CSMD1: variants seen among roughly 807,000 people sequenced by gnomAD.
The protein encoded by CSMD1 is CUB and sushi domain-containing protein 1.
In CSMD1, 213 loss-of-function variants were observed where a neutral mutation model predicts 417.5. The ratio of observed to expected loss-of-function variants is 0.51; its 90% CI spans 0.46 to 0.57. The LOEUF (loss-of-function observed/expected upper bound fraction) is 0.57. Ranked by LOEUF, CSMD1 falls within the 20% of genes least tolerant of loss-of-function variation. The pLI is 0.00. For synonymous variants in CSMD1, 2,862 were observed against 1,736.8 expected, an observed-to-expected ratio of 1.65 and a Z score of -16.11; for missense variants, 6,923 against 4,529.7, an observed-to-expected ratio of 1.53 and a Z score of -15.17.
intron 5 of CSMD1, 50 bp from the exon 6 acceptor site, chr8:3,754,092 A>C: frequency 2.4e-6 from 3 of 1,229,904 alleles, no homozygotes; most frequent in Middle Eastern, 1.9e-4. Context: ...CAACAGAGCA[A>C]ATGTCCTATA....
chr8:3,106,477 AT>A, intron 46 of CSMD1, 50 bp downstream of exon 46: 1 of 1,125,818 alleles, frequency 8.9e-7, no homozygotes, highest in Non-Finnish European at 1.3e-6. Context: ...AAACAATACA[AT>A]TTTCCATGTT....
At chr8:4,270,968 G>A (rs1804551907) in intron 3 of CSMD1, among the ~76,000 whole-genome samples, 1 of 152,152 alleles carries the variant, frequency 6.6e-6, no homozygotes, top group African/African-American at 2.4e-5. Flanking sequence ...AACTGTCACC[G>A]CGTTCACTCT....
chr8:3,692,583 T>C (rs969744679), intron 7 of CSMD1, among the ~76,000 whole-genome samples: 1 of 152,072 alleles, frequency 6.6e-6, no homozygotes, highest in Non-Finnish European at 1.5e-5. Flanking sequence ...AACAGGCATG[T>C]CACCACACAC....
intron 5 of CSMD1, among the ~76,000 whole-genome samples, chr8:3,964,147 G>C (rs73658509): frequency 0.014 from 2,207 of 152,244 alleles, 49 homozygotes; most frequent in African/African-American, 0.05. Flanking sequence ...TCACCCAAGA[G>C]GGTGAAGACC....
intron 3 of CSMD1, among the ~76,000 whole-genome samples, chr8:4,176,173 G>A (rs1410224532): frequency 6.6e-6 from 1 of 152,148 alleles, no homozygotes; most frequent in African/African-American, 2.4e-5. Flanking sequence ...GTCTTGATCA[G>A]AAGCCCTGCA....
chr8:3,791,447 T>A (rs535023051), intron 5 of CSMD1, among the ~76,000 whole-genome samples: 1 of 152,214 alleles, frequency 6.6e-6, no homozygotes, highest in African/African-American at 2.4e-5. Flanking sequence ...CCTAGCATAG[T>A]GCTGATACGT....
At chr8:3,554,213 T>G (rs1799041961) in intron 10 of CSMD1, among the ~76,000 whole-genome samples, 3 of 152,236 alleles carry the variant, frequency 2.0e-5, no homozygotes, top group Non-Finnish European at 2.9e-5. Flanking sequence ...CAAAAAAGAT[T>G]GTGTTTTTCT....
chr8:4,627,846 T>C (rs1460966113), intron 2 of CSMD1, among the ~76,000 whole-genome samples: 1 of 152,166 alleles, frequency 6.6e-6, no homozygotes, highest in Non-Finnish European at 1.5e-5. Context: ...TTGCTATAAA[T>C]CAAAGGTTTT....
intron 3 of CSMD1, among the ~76,000 whole-genome samples, chr8:4,398,379 C>T (rs1251734561): frequency 3.5e-5 from 5 of 142,788 alleles, no homozygotes; most frequent in African/African-American, 1.3e-4. Context: ...AATTGTCTTG[C>T]TGCAACTTCT....
intron 18 of CSMD1, among the ~76,000 whole-genome samples, chr8:3,375,860 C>T (rs1019761584): frequency 6.6e-6 from 1 of 152,136 alleles, no homozygotes; most frequent in Non-Finnish European, 1.5e-5. Flanking sequence ...ATCCTCCAGA[C>T]CTCTTTTTTT....
At chr8:3,947,449 T>G (rs1239766125) in intron 5 of CSMD1, among the ~76,000 whole-genome samples, 4 of 152,342 alleles carry the variant, frequency 2.6e-5, no homozygotes, top group African/African-American at 9.6e-5. Flanking sequence ...TAAAAGGTTT[T>G]TTCTGTTTTC....
intron 2 of CSMD1, among the ~76,000 whole-genome samples, chr8:4,460,356 A>G (rs747908589): frequency 5.3e-5 from 8 of 152,166 alleles, no homozygotes; most frequent in Non-Finnish European, 1.2e-4. Context: ...GGAAATTTAG[A>G]GTAGTAAATA....
intron 3 of CSMD1, among the ~76,000 whole-genome samples, chr8:4,419,479 C>T (rs1210971350): frequency 3.3e-5 from 5 of 152,070 alleles, no homozygotes; most frequent in African/African-American, 1.2e-4. Context: ...AGTCTCTATG[C>T]CTTGCATGAT....
In CSMD1 at chr8:3,737,685, T is replaced by C. The variant is rs1162271432; in HGVS notation, c.931+16245A>G. On this transcript the variant is annotated intron_variant, in intron 6 of 69. Transcript: ENST00000635120. ...CACTGACCAGGAAAATCAATTACAA[T>C]TTCTTGTCTTCACGTTTCTGACTTC... Among the ~76,000 whole-genome samples, 5 of 152,194 alleles carry C rather than the reference T, an allele frequency of 3.3e-5. No individual in the cohort carries two copies. The South Asian group carries it at 1.0e-3, about 32-fold the overall frequency.
chr8:3,652,135 C>T (rs1338772013), intron 7 of CSMD1, among the ~76,000 whole-genome samples: 1 of 130,826 alleles, frequency 7.6e-6, no homozygotes, highest in East Asian at 2.0e-4. Flanking sequence ...GAGCGCTTAC[C>T]ACCATCAGAG....
chr8:4,807,210 T>C (rs1280179246), intron 1 of CSMD1, among the ~76,000 whole-genome samples: 3 of 152,182 alleles, frequency 2.0e-5, no homozygotes, highest in East Asian at 3.9e-4. Context: ...CATCTGCCTG[T>C]CCACCACTCA....
At chr8:3,115,194 TC>T (rs5888947) in intron 42 of CSMD1, among the ~76,000 whole-genome samples, 10,211 of 108,640 alleles carry the variant, frequency 0.094, 440 homozygotes, top group African/African-American at 0.13. Flanking sequence ...ACAATTACAA[TC>T]CCCCCCCCCC....
intron 3 of CSMD1, among the ~76,000 whole-genome samples, chr8:4,368,934 T>G (rs1292656034): frequency 2.0e-5 from 3 of 152,176 alleles, no homozygotes; most frequent in African/African-American, 7.2e-5. Context: ...TTATATGGAT[T>G]TTAGCAGTTC....
At chr8:4,469,646 C>T (rs1040860332) in intron 2 of CSMD1, among the ~76,000 whole-genome samples, 1 of 152,096 alleles carries the variant, frequency 6.6e-6, no homozygotes, top group Non-Finnish European at 1.5e-5. Flanking sequence ...AGGCCAGTGT[C>T]TCCCCACCTC....
Sources: allele counts gnomAD v4.1 joint callset (sites outside exome capture counted in the v4.1 genomes callset), GRCh38; gene constraint gnomAD v4.1.1; transcripts MANE v1.5; gene names NCBI Gene and HGNC (gene_info 2026-07-23, HGNC 2026-07-21).